The following FHIT variants were observed in gnomAD, a reference collection of about 807,000 sequenced individuals.
FHIT encodes bis(5'-adenosyl)-triphosphatase.
FHIT carries 19 observed loss-of-function variants against 17.9 expected under a neutral mutation model. The ratio of observed to expected loss-of-function variants is 1.06; its 90% CI spans 0.74 to 1.56. The LOEUF (loss-of-function observed/expected upper bound fraction) is 1.56, where lower values mean the gene tolerates loss of function less well. Among genes scored for constraint, FHIT ranks in the 40% most tolerant of loss-of-function variants. The pLI, the probability that FHIT is intolerant of heterozygous loss-of-function variation, is 0.00. For missense variants in FHIT, 248 were observed against 189.2 expected (o/e 1.31, Z -1.82); for synonymous variants, 81 against 69.7 (o/e 1.16, Z -0.81).
At chr3:60,483,985 G>A (rs575330543) in intron 5 of FHIT, among the ~76,000 whole-genome samples, 1 of 152,146 alleles carries the variant, frequency 6.6e-6, no homozygotes, top group East Asian at 1.9e-4. Flanking sequence ...TAAAGTCTCA[G>A]GATACAAAAT....
At chr3:60,728,693 T>TCACACACACA (rs1402065458) in intron 4 of FHIT, among the ~76,000 whole-genome samples, 1 of 95,244 alleles carries the variant, frequency 1.0e-5, no homozygotes, top group African/African-American at 4.2e-5. Context: ...TGAAGTGTTT[T>TCACACACACA]CACACACACA....
intron 4 of FHIT, among the ~76,000 whole-genome samples, chr3:60,702,577 AT>A (rs1444965374): frequency 6.6e-6 from 1 of 151,866 alleles, no homozygotes; most frequent in African/African-American, 2.4e-5. Context: ...AAAAAATTTG[AT>A]TTTTATATAT....
chr3:60,597,105 C>T (rs2038295881), intron 4 of FHIT, among the ~76,000 whole-genome samples: 1 of 151,956 alleles, frequency 6.6e-6, no homozygotes, highest in South Asian at 2.1e-4. Flanking sequence ...TAAAGTATGC[C>T]TATTTATTCC....
chr3:61,204,367 T>C (rs903648227), intron 1 of FHIT, among the ~76,000 whole-genome samples: 1 of 152,198 alleles, frequency 6.6e-6, no homozygotes, highest in Non-Finnish European at 1.5e-5. Flanking sequence ...AAACTGTATA[T>C]GTACACTTGC....
chr3:60,420,257 C>T (rs1450931353), intron 5 of FHIT, among the ~76,000 whole-genome samples: 1 of 152,112 alleles, frequency 6.6e-6, no homozygotes, highest in Non-Finnish European at 1.5e-5. Context: ...GTGCAATCAT[C>T]CATAGCAGAT....
At chr3:60,229,918 G>A (rs989275133) in intron 5 of FHIT, among the ~76,000 whole-genome samples, 1 of 152,102 alleles carries the variant, frequency 6.6e-6, no homozygotes, top group African/African-American at 2.4e-5. Flanking sequence ...AGACTTTGAG[G>A]CTGCAGTGAG....
At chr3:60,636,962 G>C (rs1310696909) in intron 4 of FHIT, among the ~76,000 whole-genome samples, 1 of 152,142 alleles carries the variant, frequency 6.6e-6, no homozygotes, top group Non-Finnish European at 1.5e-5. Flanking sequence ...GCCAAGTCAT[G>C]GTGGGGGCTG....
chr3:60,954,143 T>C (rs1156982965), intron 3 of FHIT, among the ~76,000 whole-genome samples: 1 of 152,168 alleles, frequency 6.6e-6, no homozygotes. Flanking sequence ...CATTTCAAAA[T>C]AGACTCCAAA....
chr3:60,710,978 G>T (rs1275378462), intron 4 of FHIT, among the ~76,000 whole-genome samples: 1 of 152,172 alleles, frequency 6.6e-6, no homozygotes, highest in South Asian at 2.1e-4. Flanking sequence ...TCCTCAAGTG[G>T]GTCCCTGACC....
chr3:60,992,721 G>T (rs1447919049), intron 3 of FHIT, among the ~76,000 whole-genome samples: 10 of 152,152 alleles, frequency 6.6e-5, no homozygotes, highest in African/African-American at 2.4e-4. Flanking sequence ...CCTTTCAATT[G>T]TGCTGAATTT....
At chr3:60,021,517 A>G (rs1700553050) in intron 5 of FHIT, among the ~76,000 whole-genome samples, 1 of 152,228 alleles carries the variant, frequency 6.6e-6, no homozygotes, top group African/African-American at 2.4e-5. Context: ...CTGGAAAAAA[A>G]TATGCTCATA....
chr3:60,289,196 A>G (rs530676524), intron 5 of FHIT, among the ~76,000 whole-genome samples: 129 of 152,348 alleles, frequency 8.5e-4, no homozygotes, highest in African/African-American at 3.0e-3. Flanking sequence ...TTTTCTTCCT[A>G]TTAAATTTCC....
chr3:60,073,034 TC>T (rs1456021659), intron 5 of FHIT, among the ~76,000 whole-genome samples: 1 of 152,128 alleles, frequency 6.6e-6, no homozygotes, highest in Non-Finnish European at 1.5e-5. Flanking sequence ...AAACCCCAAC[TC>T]CTATCATCCA....
intron 4 of FHIT, among the ~76,000 whole-genome samples, chr3:60,543,758 G>C (rs925323146): frequency 2.0e-5 from 3 of 151,578 alleles, no homozygotes; most frequent in African/African-American, 7.3e-5. Context: ...GTTTTGTTTT[G>C]TTTTCAGACA....
At chr3:60,661,724 G>T (rs1420794343) in intron 4 of FHIT, among the ~76,000 whole-genome samples, 6 of 151,990 alleles carry the variant, frequency 3.9e-5, no homozygotes, top group African/African-American at 1.2e-4. Flanking sequence ...ATTATTTTTT[G>T]ATTTTTTGAT....
At chr3:60,948,848 A>C (rs1708749453) in intron 3 of FHIT, among the ~76,000 whole-genome samples, 1 of 152,202 alleles carries the variant, frequency 6.6e-6, no homozygotes, top group East Asian at 1.9e-4. Context: ...AACCACTTAC[A>C]GATGAAGCAG....
chr3:60,240,261 G>C (rs954276330), intron 5 of FHIT, among the ~76,000 whole-genome samples: 2 of 152,136 alleles, frequency 1.3e-5, no homozygotes, highest in African/African-American at 4.8e-5. Context: ...ATTAGTAGGA[G>C]AGAATGGGGA....
chr3:60,798,108 C>G (rs1419206008), intron 4 of FHIT, among the ~76,000 whole-genome samples: 1 of 152,006 alleles, frequency 6.6e-6, no homozygotes, highest in Non-Finnish European at 1.5e-5. Flanking sequence ...CTGTCACTGC[C>G]CTAGCACAAA....
intron 5 of FHIT, among the ~76,000 whole-genome samples, chr3:60,223,347 C>T (rs1312613052): frequency 2.0e-5 from 3 of 152,158 alleles, no homozygotes; most frequent in Admixed American, 6.5e-5. Flanking sequence ...AGGCAGAAGT[C>T]GTGTTCAAAT....
Sources: gnomAD v4.1 joint callset for allele counts (sites outside exome capture counted in the v4.1 genomes callset) on GRCh38, gnomAD v4.1.1 for gene constraint, MANE v1.5 for transcripts, NCBI Gene and HGNC (gene_info 2026-07-23, HGNC 2026-07-21) for gene names.